Variants in PACRG observed in about 807,000 individuals in gnomAD.
The protein encoded by PACRG is parkin coregulated gene protein.
PACRG carries 29 observed loss-of-function variants against 29.7 expected under a neutral mutation model. That is an observed-to-expected ratio of 0.98 (90% CI 0.73 to 1.33). The LOEUF (loss-of-function observed/expected upper bound fraction) is 1.33. Among genes scored for constraint, PACRG ranks in the 40% most tolerant of loss-of-function variants. The probability of loss-of-function intolerance (pLI) is 0.00; values close to 1 mark genes in which losing one functional copy is unlikely to be tolerated. For synonymous variants in PACRG, 116 were observed against 118.7 expected (o/e 0.98, Z 0.15); for missense variants, 279 against 316.2 (o/e 0.88, Z 0.89).
intron 1 of PACRG, among the ~76,000 whole-genome samples, chr6:162,741,071 A>T (rs1439007989): frequency 6.6e-6 from 1 of 152,124 alleles, no homozygotes; most frequent in Non-Finnish European, 1.5e-5. Context: ...AATTATCCTT[A>T]TATTCTTTTA....
At chr6:162,921,981 T>C (rs1185946467) in intron 2 of PACRG, among the ~76,000 whole-genome samples, 2 of 152,122 alleles carry the variant, frequency 1.3e-5, no homozygotes, top group African/African-American at 4.8e-5. Context: ...AGTTCGCCGC[T>C]GTCTTAAGTC....
intron 2 of PACRG, among the ~76,000 whole-genome samples, chr6:162,944,776 CA>C (rs561880326): frequency 4.0e-5 from 6 of 148,182 alleles, no homozygotes; most frequent in Admixed American, 6.7e-5. Context: ...CCCAGTCAGA[CA>C]AAAAAAAGGA....
At chr6:162,924,097 C>A (rs1797253159) in intron 2 of PACRG, among the ~76,000 whole-genome samples, 1 of 151,994 alleles carries the variant, frequency 6.6e-6, no homozygotes, top group African/African-American at 2.4e-5. Context: ...TCATAGAGAT[C>A]ATTCACCTTC....
At chr6:163,166,184 C>T (rs1268718189) in intron 4 of PACRG, 1 of 456,326 alleles carries the variant, frequency 2.2e-6, no homozygotes, top group Non-Finnish European at 4.4e-6. Context: ...CTCGTTTCCT[C>T]TGCATCTGCC....
At chr6:163,066,605 G>C (rs1811568167) in intron 3 of PACRG, among the ~76,000 whole-genome samples, 1 of 152,192 alleles carries the variant, frequency 6.6e-6, no homozygotes, top group African/African-American at 2.4e-5. Flanking sequence ...CAATGCAGAA[G>C]ATAAAGGTAG....
At chr6:163,166,213 G>C (rs1428604653) in intron 4 of PACRG, 1 of 456,160 alleles carries the variant, frequency 2.2e-6, no homozygotes, top group African/African-American at 2.0e-5. Context: ...CACTGAATCT[G>C]TCTTCTCTCC....
intron 4 of PACRG, among the ~76,000 whole-genome samples, chr6:163,176,480 T>C (rs1257269897): frequency 6.6e-6 from 1 of 152,228 alleles, no homozygotes; most frequent in Non-Finnish European, 1.5e-5. Flanking sequence ...TGATTATCAT[T>C]TGTTTACTCA....
At chr6:162,921,436 G>A (rs1797056681) in intron 2 of PACRG, among the ~76,000 whole-genome samples, 2 of 152,164 alleles carry the variant, frequency 1.3e-5, no homozygotes, top group African/African-American at 4.8e-5. Context: ...TGTCTGATTT[G>A]TTTTCTGGCT....
At chr6:163,294,108 A>G (rs1784705591) in intron 4 of PACRG, among the ~76,000 whole-genome samples, 1 of 152,206 alleles carries the variant, frequency 6.6e-6, no homozygotes, top group Admixed American at 6.5e-5. Flanking sequence ...AAAATGATCT[A>G]AAACAAAAAA....
intron 2 of PACRG, among the ~76,000 whole-genome samples, chr6:163,007,080 T>C (rs878904959): frequency 6.6e-6 from 1 of 152,186 alleles, no homozygotes; most frequent in Admixed American, 6.5e-5. Flanking sequence ...TTCAAATTTT[T>C]GTTGTGTAAT....
intron 1 of PACRG, among the ~76,000 whole-genome samples, chr6:162,774,745 T>A (rs1455297628): frequency 6.6e-6 from 1 of 152,200 alleles, no homozygotes; most frequent in African/African-American, 2.4e-5. Context: ...CACATAAAAT[T>A]TATCTGATTA....
chr6:163,148,578 C>G (rs575997481), intron 4 of PACRG, among the ~76,000 whole-genome samples: 1 of 152,276 alleles, frequency 6.6e-6, no homozygotes, highest in Non-Finnish European at 1.5e-5. Context: ...CATTCCTCTT[C>G]AGACTCAAGT....
Position 163,006,991 on chromosome 6 carries a change from G to T in PACRG, c.292-55159G>T, listed in dbSNP as rs960354754. ...ATTTTTATTTGTCCCATGTGTCCTG[G>T]TTCCATGTTTTTCCTTTTGTTAAAA... On this transcript the variant is annotated intron_variant, in intron 2 of 4. Coordinates refer to ENST00000366888, the MANE Select transcript of PACRG (RefSeq NM_001080379.2). Among the ~76,000 whole-genome samples the T allele has an allele frequency of 2.0e-5, 3 of 151,366 alleles. No individual in the cohort carries two copies. The East Asian group carries it at 5.8e-4, about 29-fold the overall frequency.
intron 2 of PACRG, among the ~76,000 whole-genome samples, chr6:162,947,613 T>TATATATATATAATC (rs1562767286): frequency 0.025 from 370 of 14,572 alleles, no homozygotes; most frequent in South Asian, 0.034. Flanking sequence ...TATATAATCA[T>TATATATATATAATC]ATATATATAT....
chr6:162,996,740 AG>A (rs1240735170), intron 2 of PACRG, among the ~76,000 whole-genome samples: 2 of 152,224 alleles, frequency 1.3e-5, no homozygotes, highest in African/African-American at 4.8e-5. Context: ...AAGTATTAAC[AG>A]TAACTGTCTC....
rs367806318 is a variant in PACRG, at chr6:163,226,712, C to T, written c.614-88115C>T. Among the ~76,000 whole-genome samples, 335 of 152,250 alleles carry T rather than the reference C, an allele frequency of 2.2e-3. 1 individual carries two copies. The highest frequency in any genetic ancestry group is 3.3e-3 in the Admixed American group (50 of 15,292). On this transcript the variant is annotated intron_variant, in intron 4 of 4. Transcript: ENST00000366888. ...GCAGAGGGCAATTCCCAGGGTGAGA[C>T]CCAGCCATCGGTGGCTCACATCCCA...
intron 4 of PACRG, among the ~76,000 whole-genome samples, chr6:163,194,788 A>G (rs918935714): frequency 6.6e-6 from 1 of 152,180 alleles, no homozygotes; most frequent in Non-Finnish European, 1.5e-5. Flanking sequence ...GGCCACAGGA[A>G]TGGGGCTGCC....
Position 162,973,588 on chromosome 6 carries a change from T to G in PACRG, c.292-88562T>G, listed in dbSNP as rs1346880909. On this transcript the variant is annotated intron_variant, in intron 2 of 4. Transcript: ENST00000366888. ...AAGTTCTAAGTCTTCTTTTTTGAGA[T>G]TCCCTTCTACCAGTTTTTTCTCCCC... Among the ~76,000 whole-genome samples, 3 of 152,246 alleles carry G rather than the reference T, an allele frequency of 2.0e-5. No homozygotes were observed. The East Asian group carries it at 5.8e-4, about 29-fold the overall frequency.
intron 4 of PACRG, among the ~76,000 whole-genome samples, chr6:163,169,658 CAGG>C (rs1291204367): frequency 1.3e-5 from 2 of 152,164 alleles, no homozygotes; most frequent in Non-Finnish European, 1.5e-5. Context: ...TAGGAATTAG[CAGG>C]AGGAGTGTGG....
Sources: allele counts gnomAD v4.1 joint callset (sites outside exome capture counted in the v4.1 genomes callset), GRCh38; gene constraint gnomAD v4.1.1; transcripts MANE v1.5; gene names NCBI Gene and HGNC (gene_info 2026-07-23, HGNC 2026-07-21).